The following THBS2 variants were observed in gnomAD, a reference collection of about 807,000 sequenced individuals.
The protein encoded by THBS2 is thrombospondin 2, also known as thrombospondin-2.
Under a neutral mutation model 135.2 loss-of-function variants are expected in THBS2, and 47 were observed. The observed-to-expected ratio is 0.35, with a 90% CI of 0.28 to 0.44. The LOEUF (loss-of-function observed/expected upper bound fraction) is 0.44. Among genes scored for constraint, THBS2 ranks in the 20% least tolerant of loss-of-function variants. THBS2 has a pLI of 1.00. For synonymous variants in THBS2, 639 were observed against 633.8 expected (o/e 1.01, Z -0.12); for missense variants, 1,288 against 1,603.1 (o/e 0.80, Z 3.36).
In THBS2 at chr6:169,235,079, G is replaced by A. The variant is rs537609515; in HGVS notation, c.1478-172C>T. ...GGTCAGAGCGTGATCGCACCACTACGCCTGCTGCAATGGTGGATTCCGGGA... is the reference window on the plus strand; with the variant it reads ...GGTCAGAGCGTGATCGCACCACTACACCTGCTGCAATGGTGGATTCCGGGA... On this transcript the variant is annotated intron_variant, in intron 9 of 21. Transcript: ENST00000617924. Among the ~76,000 whole-genome samples the A allele has an allele frequency of 3.3e-5, 5 of 152,302 alleles. No individual in the cohort carries two copies. The South Asian group carries it at 6.2e-4, about 19-fold the overall frequency.
At chr6:169,248,281 A>G (rs12181068) in intron 3 of THBS2, 136 bp downstream of exon 3, 233,271 of 1,031,054 alleles carry the variant, frequency 0.23, 29,437 homozygotes, top group Middle Eastern at 0.28. Flanking sequence ...GTGTGAGCAC[A>G]TGCCGGGATG....
In THBS2 at chr6:169,252,507, T is replaced by C. The variant is rs1234026746; in HGVS notation, c.-23+1217A>G. Among the ~76,000 whole-genome samples, 2 of 152,136 alleles carry C rather than the reference T, an allele frequency of 1.3e-5. No homozygotes were observed. Among genetic ancestry groups the C allele is most frequent in the Non-Finnish European group, 2.9e-5 (2 of 68,016 alleles). On this transcript the variant is annotated intron_variant, in intron 1 of 21. Transcript: ENST00000617924. This position sits in a 1 kb window ranked among gnomAD's most constrained non-coding sequence, Gnocchi z 4.3. Reference sequence around the variant, plus strand: ...GGATGCCCAGCTTCATAAGGACAGGTTAGAAAAACTAAATCAAACTCCTTT... The same window carrying C: ...GGATGCCCAGCTTCATAAGGACAGGCTAGAAAAACTAAATCAAACTCCTTT...
In THBS2 at chr6:169,232,097, G is replaced by A. The variant is rs1245785064; in HGVS notation, c.2034C>T (p.Cys678=). 2.5e-6 allele frequency: 4 copies of A among 1,613,998 alleles called. No homozygotes were observed. In the African/African-American group the frequency reaches 4.0e-5, roughly 16 times the overall value. The change falls in exon 13 of 22, where the codon TGC becomes TGT. Residue 678 remains cysteine, a synonymous_variant. Transcript: ENST00000617924. The part of the protein sequence containing the change: ...LGHFSDPMYK[C]ECQTGYAGDG... ...CGCCCGCGTAGCCTGTCTGGCACTC[G>A]CACTTGTACATGGGGTCGCTGAAGT...
intron 12 of THBS2, 86 bp downstream of exon 12, chr6:169,232,578 C>A (rs1779882978): frequency 6.6e-7 from 1 of 1,521,744 alleles, no homozygotes; most frequent in African/African-American, 1.4e-5. Context: ...GCCACCCCTT[C>A]CTCTCCTTCC....
At position 169,232,077 on chromosome 6, in the gene THBS2, G is replaced by T; in HGVS notation, c.2054C>A (p.Ala685Glu). The T allele has an allele frequency of 6.2e-7, 1 of 1,614,110 alleles. No individual in the cohort carries two copies. Among genetic ancestry groups the T allele is most frequent in the Non-Finnish European group, 8.5e-7 (1 of 1,179,996 alleles). ...CTCCCCGCAGATGAGCCCGTCGCCC[G>T]CGTAGCCTGTCTGGCACTCGCACTT... ...MYKCECQTGY[A>E]GDGLICGEDS... Residue 685 changes from alanine (A) to glutamate (E), a missense_variant, in exon 13 of 22, where the codon GCG becomes GAG. Transcript: ENST00000617924.
At chr6:169,243,590 C>T (rs9379341) in intron 4 of THBS2, among the ~76,000 whole-genome samples, 65,626 of 152,126 alleles carry the variant, frequency 0.43, 15,509 homozygotes, top group East Asian at 0.65. Flanking sequence ...CCCTCGGATT[C>T]ATGTTGCCCA....
chr6:169,238,379 C>T (rs906007322), intron 7 of THBS2, among the ~76,000 whole-genome samples: 3 of 152,110 alleles, frequency 2.0e-5, no homozygotes, highest in Admixed American at 6.6e-5. Flanking sequence ...AAATCATTCC[C>T]GTGAGGAGAG....
intron 2 of THBS2, among the ~76,000 whole-genome samples, chr6:169,249,987 G>A (rs529311365): frequency 8.6e-5 from 13 of 151,440 alleles, no homozygotes; most frequent in African/African-American, 9.7e-5. Context: ...CCCAGATCAC[G>A]CCACTGCACT....
At chr6:169,253,284 CAG>C (rs1190042649) in intron 1 of THBS2, among the ~76,000 whole-genome samples, 1 of 152,190 alleles carries the variant, frequency 6.6e-6, no homozygotes, top group Non-Finnish European at 1.5e-5. Context: ...TGTTAACAAT[CAG>C]AGTCTCTCTC....
chr6:169,248,758 G>T lies in THBS2; in HGVS notation c.268C>A (p.Leu90Ile). Residue 90 changes from leucine to isoleucine, a missense_variant, in exon 3 of 22, where the codon CTC becomes ATC. Around this residue, in one of 2 missense-constraint regions of THBS2, gnomAD observed 414 missense variants for 447.0 expected, o/e 0.93. Coordinates refer to ENST00000617924, the MANE Select transcript of THBS2 (RefSeq NM_003247.5). ...CCCCTGGACTTGCCGTCCTGCTTGA[G>T]CTGGGCCGTGAGGAAGAAGCCCTCC... Reference protein sequence around the residue: ...QKEGFFLTAQLKQDGKSRGTL... With the variant: ...QKEGFFLTAQIKQDGKSRGTL... The T allele has an allele frequency of 6.2e-7, 1 of 1,612,976 alleles. No individual in the cohort carries two copies. The highest frequency in any genetic ancestry group is 8.5e-7 in the Non-Finnish European group (1 of 1,180,000).
intron 10 of THBS2, 112 bp from the exon 11 acceptor site, chr6:169,233,129 A>G: frequency 7.3e-7 from 1 of 1,372,180 alleles, no homozygotes; most frequent in Non-Finnish European, 9.6e-7. Context: ...CGAATTGTGT[A>G]GTCAGGAACA....
intron 21 of THBS2, among the ~76,000 whole-genome samples, chr6:169,219,266 GTGGA>G (rs1334996221): frequency 1.8e-4 from 21 of 117,232 alleles, no homozygotes; most frequent in South Asian, 5.6e-4. Flanking sequence ...GGATGGGTGG[GTGGA>G]TGGATGGATG....
At chr6:169,247,854 G>A (rs1780606468) in intron 3 of THBS2, among the ~76,000 whole-genome samples, 1 of 151,032 alleles carries the variant, frequency 6.6e-6, no homozygotes, top group African/African-American at 2.4e-5. Flanking sequence ...CCCACGTAGG[G>A]TGTGTGCACG....
intron 21 of THBS2, chr6:169,219,744 G>A: frequency 9.7e-6 from 5 of 516,446 alleles, no homozygotes; most frequent in Non-Finnish European, 1.9e-5. Context: ...TGGAATTAGA[G>A]CAGATGGAAT....
chr6:169,227,636 T>C (rs6903479), intron 15 of THBS2, among the ~76,000 whole-genome samples: 59,275 of 151,978 alleles, frequency 0.39, 11,796 homozygotes, highest in Middle Eastern at 0.45. Context: ...TCCCCTGACC[T>C]TCAGGAAAAG....
intron 10 of THBS2, among the ~76,000 whole-genome samples, 200 bp from the exon 11 acceptor site, chr6:169,233,217 G>T (rs545673877): frequency 1.3e-5 from 2 of 152,050 alleles, no homozygotes; most frequent in African/African-American, 2.4e-5. Flanking sequence ...AGTGCAGCGG[G>T]TTGCAGAAGC....
At chr6:169,235,616 G>GT (rs1780005046) in intron 9 of THBS2, among the ~76,000 whole-genome samples, 1 of 151,932 alleles carries the variant, frequency 6.6e-6, no homozygotes, top group African/African-American at 2.4e-5. Context: ...GAGAGACACA[G>GT]TTCTGTGCAT....
chr6:169,243,991 TGAA>T (rs140993157), intron 4 of THBS2, among the ~76,000 whole-genome samples: 2,109 of 152,336 alleles, frequency 0.014, 34 homozygotes, highest in East Asian at 0.077. Context: ...ACATAACCAG[TGAA>T]GAAGAAGTCT....
At position 169,237,250 on chromosome 6, in the gene THBS2, G is replaced by C; in HGVS notation, c.1397C>G (p.Ser466Cys). The change falls in exon 9 of 22, where the codon TCC (serine) becomes TGC (cysteine). Residue 466 changes from serine to cysteine, a missense_variant. By Grantham distance (112) the Ser-to-Cys change is moderately radical (BLOSUM62 -1). Transcript: ENST00000617924. ...CTTGCCCCCCATCTGGGGCACTGGG[G>C]AGTTGCAGAGACGGATGCGTGTGAT... is the stretch of plus-strand genomic sequence containing the variant. ...GNITRIRLCNSPVPQMGGKNC... is the reference protein window; with the variant it reads ...GNITRIRLCNCPVPQMGGKNC... The C allele has an allele frequency of 6.2e-7, 1 of 1,613,504 alleles. No homozygotes were observed. Among genetic ancestry groups the C allele is most frequent in the Non-Finnish European group, 8.5e-7 (1 of 1,180,028 alleles).
Sources: gnomAD v4.1 joint callset for allele counts (sites outside exome capture counted in the v4.1 genomes callset) on GRCh38, gnomAD v4.1.1 for gene constraint, gnomAD v4.1.1 regional missense constraint, Gnocchi (gnomAD v3.1) non-coding constraint, MANE v1.5 for transcripts, NCBI Gene and HGNC (gene_info 2026-07-23, HGNC 2026-07-21) for gene names.